ST6GALNAC3: variants seen among roughly 807,000 people sequenced by gnomAD.
The protein encoded by ST6GALNAC3 is ST6 N-acetylgalactosaminide alpha-2,6-sialyltransferase 3.
In ST6GALNAC3, 25 loss-of-function variants were observed where a neutral mutation model predicts 32.7. The ratio of observed to expected loss-of-function variants is 0.76; its 90% CI spans 0.56 to 1.07. The LOEUF (loss-of-function observed/expected upper bound fraction) is 1.07. ST6GALNAC3 is among the 50% of genes least tolerant of loss of function. ST6GALNAC3 has a pLI of 0.00. For missense variants in ST6GALNAC3, 355 were observed against 382.4 expected (o/e 0.93, Z 0.60); for synonymous variants, 129 against 133.1 (o/e 0.97, Z 0.21).
intron 1 of ST6GALNAC3, among the ~76,000 whole-genome samples, chr1:76,231,471 A>G (rs1656358141): frequency 6.6e-6 from 1 of 152,198 alleles, no homozygotes; most frequent in South Asian, 2.1e-4. Flanking sequence ...CTGAAACTCT[A>G]TACCCAGTAA....
chr1:76,555,855 A>G (rs1664887359), intron 3 of ST6GALNAC3, among the ~76,000 whole-genome samples: 2 of 152,114 alleles, frequency 1.3e-5, no homozygotes, highest in Admixed American at 1.3e-4. Context: ...GTTAGGACAT[A>G]ATTTTTATAA....
At chr1:76,579,893 T>C in intron 3 of ST6GALNAC3, among the ~76,000 whole-genome samples, 1 of 152,104 alleles carries the variant, frequency 6.6e-6, no homozygotes, top group East Asian at 1.9e-4. Flanking sequence ...TTTGAAGTGC[T>C]AGCCATTAAT....
intron 1 of ST6GALNAC3, among the ~76,000 whole-genome samples, chr1:76,290,061 A>T (rs986685715): frequency 2.6e-5 from 4 of 152,214 alleles, no homozygotes; most frequent in African/African-American, 9.7e-5. Context: ...TTCTCTTTTG[A>T]AATAGTTTTT....
chr1:76,079,632 GTGACCTGTCCTCATATATTTA>G (rs972226245), intron 1 of ST6GALNAC3, among the ~76,000 whole-genome samples: 3 of 152,174 alleles, frequency 2.0e-5, no homozygotes, highest in African/African-American at 7.2e-5. Flanking sequence ...CTTCTCTCCA[GTGACCTGTCCTCATATATTTA>G]TCTTGATTGA....
intron 1 of ST6GALNAC3, among the ~76,000 whole-genome samples, chr1:76,160,216 A>G (rs980161350): frequency 1.7e-4 from 26 of 152,198 alleles, no homozygotes; most frequent in African/African-American, 6.3e-4. Flanking sequence ...CCCAGAGGTC[A>G]AGAGTGGCAG....
chr1:76,321,091 A>G (rs1646959317), intron 2 of ST6GALNAC3, among the ~76,000 whole-genome samples: 1 of 151,942 alleles, frequency 6.6e-6, no homozygotes, highest in South Asian at 2.1e-4. Flanking sequence ...TTTGACCACA[A>G]GGGTGAGCAG....
At chr1:76,223,195 G>A (rs1372176777) in intron 1 of ST6GALNAC3, among the ~76,000 whole-genome samples, 1 of 152,110 alleles carries the variant, frequency 6.6e-6, no homozygotes, top group Non-Finnish European at 1.5e-5. Flanking sequence ...ATACACCATG[G>A]AATACTATGC....
At chr1:76,583,916 A>ATTT (rs1228301471) in intron 3 of ST6GALNAC3, among the ~76,000 whole-genome samples, 6 of 152,154 alleles carry the variant, frequency 3.9e-5, no homozygotes, top group African/African-American at 1.4e-4. Flanking sequence ...TTCAACAAAG[A>ATTT]TCTCCATATT....
chr1:76,563,826 C>T (rs1267584099), intron 3 of ST6GALNAC3, among the ~76,000 whole-genome samples: 4 of 152,148 alleles, frequency 2.6e-5, no homozygotes, highest in Non-Finnish European at 5.9e-5. Context: ...TGAGAGTGCT[C>T]AGTGTAGGTT....
rs563265954 is a variant in ST6GALNAC3 at position 76,188,092 on chromosome 1, G to A, written c.18+113208G>A. Among the ~76,000 whole-genome samples the A allele has an allele frequency of 3.3e-5, 5 of 152,230 alleles. No homozygotes were observed. In the South Asian group the frequency reaches 8.3e-4, roughly 25 times the overall value. Reference sequence around the variant, plus strand: ...GAAATAATCTGTATGGGCCAGGCGCGGTGGCTCACGCCTGTAAGCCCAGCA... The same window carrying A: ...GAAATAATCTGTATGGGCCAGGCGCAGTGGCTCACGCCTGTAAGCCCAGCA... On this transcript the variant is annotated intron_variant, in intron 1 of 4. Coordinates refer to ENST00000328299, the MANE Select transcript of ST6GALNAC3 (RefSeq NM_152996.4).
intron 3 of ST6GALNAC3, among the ~76,000 whole-genome samples, chr1:76,505,044 T>A (rs1297470944): frequency 6.6e-6 from 1 of 152,096 alleles, no homozygotes; most frequent in African/African-American, 2.4e-5. Context: ...AATTCTCTAT[T>A]AGTTAATGTG....
chr1:76,499,245 T>C (rs1488567937), intron 3 of ST6GALNAC3, among the ~76,000 whole-genome samples: 2 of 152,288 alleles, frequency 1.3e-5, no homozygotes, highest in African/African-American at 4.8e-5. Flanking sequence ...TTGGTGGGAG[T>C]ATAATTTGAG....
chr1:76,530,394 T>G (rs1480454352), intron 3 of ST6GALNAC3, among the ~76,000 whole-genome samples: 1 of 152,128 alleles, frequency 6.6e-6, no homozygotes, highest in Non-Finnish European at 1.5e-5. Flanking sequence ...AAAATAGCCT[T>G]GCCTAGGGGT....
intron 1 of ST6GALNAC3, among the ~76,000 whole-genome samples, chr1:76,210,044 T>A (rs867802632): frequency 0.091 from 889 of 9,772 alleles, 11 homozygotes; most frequent in African/African-American, 0.15. Context: ...TAGAGCTGCG[T>A]TTTTTTTTTT....
chr1:76,213,328 C>G (rs1244850234), intron 1 of ST6GALNAC3, among the ~76,000 whole-genome samples: 2 of 152,190 alleles, frequency 1.3e-5, no homozygotes, highest in African/African-American at 4.8e-5. Context: ...CAGAAGTATG[C>G]TGTGTCCTCG....
rs58666595 is a variant in ST6GALNAC3, at chr1:76,206,325, C to T, written c.19-107480C>T. 5.5e-4 allele frequency among the ~76,000 whole-genome samples: 83 copies of T among 152,212 alleles called. 1 individual carries two copies. Among genetic ancestry groups the T allele is most frequent in the African/African-American group, 2.0e-3 (83 of 41,540 alleles). The stretch of plus-strand genomic sequence containing the variant: ...TAGGCTGTGGAAGGCAGTGGGGGTG[C>T]GGAAAGAGTGTGACCATTAGAGTTA... On this transcript the variant is annotated intron_variant, in intron 1 of 4. Transcript: ENST00000328299.
At chr1:76,115,921 T>C (rs1648437540) in intron 1 of ST6GALNAC3, among the ~76,000 whole-genome samples, 1 of 152,228 alleles carries the variant, frequency 6.6e-6, no homozygotes, top group Non-Finnish European at 1.5e-5. Flanking sequence ...TAAATATATT[T>C]TGAGCATTTA....
At chr1:76,614,842 G>A (rs1648190729) in intron 3 of ST6GALNAC3, among the ~76,000 whole-genome samples, 1 of 151,678 alleles carries the variant, frequency 6.6e-6, no homozygotes, top group Non-Finnish European at 1.5e-5. Context: ...TGGACCTTAG[G>A]AAAGAATAGA....
At position 76,631,075 on chromosome 1, in the gene ST6GALNAC3, C is replaced by T; in HGVS notation, c.*2269C>T. On this transcript the variant is annotated 3_prime_UTR_variant, in exon 5 of 5. Transcript: ENST00000328299. ...TGCTTGCTCTCCTGCCTCGTTGTAGCTTTCTCTGATGAAGACTTCTGCAGT... is the reference window on the plus strand; with the variant it reads ...TGCTTGCTCTCCTGCCTCGTTGTAGTTTTCTCTGATGAAGACTTCTGCAGT... 1.0e-6 allele frequency: 1 copy of T among 970,994 alleles called. No homozygotes were observed. Among genetic ancestry groups the T allele is most frequent in the Non-Finnish European group, 1.2e-6 (1 of 816,848 alleles). 60.1% of individuals were successfully genotyped at this position (970,994 alleles called of 1,614,324 possible). A position where few individuals can be genotyped will look rare whatever the true frequency, so the allele number is the denominator to read the frequency against.
Sources: allele counts gnomAD v4.1 joint callset (sites outside exome capture counted in the v4.1 genomes callset), GRCh38; gene constraint gnomAD v4.1.1; transcripts MANE v1.5; gene names NCBI Gene and HGNC (gene_info 2026-07-23, HGNC 2026-07-21).